Variants in CHRNA6 observed in about 807,000 individuals in gnomAD.
CHRNA6 encodes the protein neuronal acetylcholine receptor subunit alpha-6.
A neutral mutation model predicts 40.9 loss-of-function variants in CHRNA6; 31 were observed. That is an observed-to-expected ratio of 0.76 (90% CI 0.57 to 1.02). The LOEUF (loss-of-function observed/expected upper bound fraction) is 1.02, where lower values mean the gene tolerates loss of function less well. Among genes scored for constraint, CHRNA6 ranks in the 50% least tolerant of loss-of-function variants. CHRNA6 has a pLI of 0.00. For synonymous variants in CHRNA6, 222 were observed against 221.3 expected (o/e 1.00, Z -0.03); for missense variants, 546 against 596.6 (o/e 0.92, Z 0.88).
intron 2 of CHRNA6, among the ~76,000 whole-genome samples, chr8:42,762,166 G>A (rs1370437148): frequency 6.6e-6 from 1 of 152,194 alleles, no homozygotes; most frequent in Non-Finnish European, 1.5e-5. Context: ...CTTCCTGGCT[G>A]TGCCACTTCT....
Position 42,752,694 on chromosome 8 carries a change from G to C in CHRNA6, c.*485C>G, listed in dbSNP as rs55776131. The C allele has an allele frequency of 1.3e-5, 2 of 150,174 alleles. No homozygotes were observed. The highest frequency in any genetic ancestry group is 2.1e-4 in the South Asian group (1 of 4,786). 9.3% of individuals were successfully genotyped at this position (150,174 alleles called of 1,614,324 possible). ...TGAGGAGGGTGAGTTACATTACAGA[G>C]ACATGCACAAGAAATCAAGGATGCA... On this transcript the variant is annotated 3_prime_UTR_variant, in exon 6 of 6. Transcript: ENST00000276410.
In CHRNA6 at chr8:42,756,570, TC is replaced by T; in HGVS notation, c.628del (p.Asp210MetfsTer21). 3.1e-6 allele frequency: 5 copies of T among 1,614,156 alleles called. No individual in the cohort carries two copies. The highest frequency in any genetic ancestry group is 4.2e-6 in the Non-Finnish European group (5 of 1,180,018). The part of the protein sequence containing the change: ...FWENSEWEII[D>X]ASGYKHDIKY... ...GATGTCATGTTTGTAGCCAGAGGCA[TC>T]AATGATTTCCCATTCACTGTTTTCC... is the stretch of plus-strand genomic sequence containing the variant. On this transcript the variant is annotated frameshift_variant, in exon 5 of 6. Transcript: ENST00000276410. LOFTEE classifies it high-confidence loss of function.
At chr8:42,756,882 C>G (rs983025118) in intron 4 of CHRNA6, 46 bp downstream of exon 4, 1 of 1,611,658 alleles carries the variant, frequency 6.2e-7, no homozygotes, top group Admixed American at 1.7e-5. Context: ...CCAGAATACA[C>G]CAACAGCAGC....
chr8:42,762,573 C>T (rs764456060), intron 2 of CHRNA6, among the ~76,000 whole-genome samples: 4 of 152,090 alleles, frequency 2.6e-5, no homozygotes, highest in Non-Finnish European at 4.4e-5. Context: ...CGCTTGAGCC[C>T]GGGAGGCGTA....
At chr8:42,754,239 G>A (rs1417761133) in intron 5 of CHRNA6, among the ~76,000 whole-genome samples, 1 of 152,062 alleles carries the variant, frequency 6.6e-6, no homozygotes, top group African/African-American at 2.4e-5. Context: ...AAGTGCAGTG[G>A]TGCGATTGTG....
intron 3 of CHRNA6, among the ~76,000 whole-genome samples, chr8:42,757,700 T>G (rs1816826906): frequency 7.6e-6 from 1 of 130,954 alleles, no homozygotes; most frequent in South Asian, 2.4e-4. Flanking sequence ...GCCACTGCAC[T>G]CCAGCCTAGG....
At chr8:42,754,028 G>A (rs932661273) in intron 5 of CHRNA6, among the ~76,000 whole-genome samples, 2 of 152,166 alleles carry the variant, frequency 1.3e-5, no homozygotes, top group Non-Finnish European at 2.9e-5. Context: ...TCAGGAATAG[G>A]CAGCCCTCCA....
intron 1 of CHRNA6, 114 bp downstream of exon 1, chr8:42,768,238 C>G: frequency 2.6e-6 from 2 of 772,244 alleles, no homozygotes; most frequent in Non-Finnish European, 2.2e-6. Flanking sequence ...AGTGGTGGCT[C>G]CTATGCAGAC....
chr8:42,765,286 C>T, intron 1 of CHRNA6, 82 bp from the exon 2 acceptor site: 1 of 1,499,866 alleles, frequency 6.7e-7, no homozygotes, highest in South Asian at 1.2e-5. Flanking sequence ...CTTCCCGGGC[C>T]CTGTGGGGAG....
chr8:42,753,360 A>G, intron 5 of CHRNA6, 50 bp from the exon 6 acceptor site: 1 of 1,523,698 alleles, frequency 6.6e-7, no homozygotes, highest in East Asian at 2.3e-5. Context: ...CAAAACCATA[A>G]GAAACATGCC....
Position 42,756,365 on chromosome 8 carries a change from G to T in CHRNA6, c.834C>A (p.Val278=), listed in dbSNP as rs150991696. ...CGEKVTLCIS[V]LLSLTVFLLV... is the part of the protein sequence containing the mutation. ...GCAAAAACACAGTCAGAGAAAGCAG[G>T]ACTGAAATACAAAGCGTCACTTTTT... Residue 278 remains valine, a synonymous_variant, in exon 5 of 6, where the codon GTC becomes GTA. Coordinates refer to ENST00000276410, the MANE Select transcript of CHRNA6 (RefSeq NM_004198.3). The T allele has an allele frequency of 1.2e-6, 2 of 1,614,058 alleles. No individual in the cohort carries two copies. Among genetic ancestry groups the T allele is most frequent in the Non-Finnish European group, 1.7e-6 (2 of 1,180,048 alleles).
rs193153690 is a variant in CHRNA6 at position 42,759,143 on chromosome 8, C to T, written c.220-30G>A. Reference sequence around the variant, plus strand: ...GAAGAAGAAATAATACTTTTAGCCTCAAATGTGCTTGCCATAGAGGTGAGA... The same window carrying T: ...GAAGAAGAAATAATACTTTTAGCCTTAAATGTGCTTGCCATAGAGGTGAGA... On this transcript the variant is annotated intron_variant, in intron 2 of 5. Coordinates refer to ENST00000276410, the MANE Select transcript of CHRNA6 (RefSeq NM_004198.3). 95 of 1,593,304 alleles carry T rather than the reference C, an allele frequency of 6.0e-5. No individual in the cohort carries two copies. The Middle Eastern group carries it at 1.3e-3, about 22-fold the overall frequency.
chr8:42,757,088 A>T (rs1816815952), intron 3 of CHRNA6, 51 bp from the exon 4 acceptor site: 1 of 1,401,970 alleles, frequency 7.1e-7, no homozygotes, highest in South Asian at 1.2e-5. Flanking sequence ...CTTTCGGGCC[A>T]GGCATGGTGG....
At chr8:42,765,619 C>T (rs1035072556) in intron 1 of CHRNA6, among the ~76,000 whole-genome samples, 2 of 152,154 alleles carry the variant, frequency 1.3e-5, no homozygotes, top group African/African-American at 4.8e-5. Flanking sequence ...CCTTTCTTGT[C>T]TAAAATACTG....
chr8:42,754,099 C>T (rs1271666845), intron 5 of CHRNA6, among the ~76,000 whole-genome samples: 1 of 152,148 alleles, frequency 6.6e-6, no homozygotes, highest in Non-Finnish European at 1.5e-5. Flanking sequence ...CCTGACCCTC[C>T]AGCCTTCTGC....
rs375802894 is a variant in CHRNA6 at position 42,765,067 on chromosome 8, C to T, written c.217G>A (p.Val73Met). 44 of 1,613,932 alleles carry T rather than the reference C, an allele frequency of 2.7e-5. No homozygotes were observed. The highest frequency in any genetic ancestry group is 1.6e-4 in the Middle Eastern group (1 of 6,084). The stretch of plus-strand genomic sequence containing the variant: ...AGCTCTGATCAGAGGGCACTCACCA[C>T]GTTGGCCAGCTGGGTGATGGCCACT... ...FEVAITQLANVDEVNQIMETN... is the reference protein window; with the variant it reads ...FEVAITQLANMDEVNQIMETN... Residue 73 changes from valine (V) to methionine (M), a missense_variant and splice_region_variant, in exon 2 of 6, where the codon GTG (valine) becomes ATG (methionine). This residue lies in a region of CHRNA6 where 476 missense variants were observed against 494.5 expected (regional missense o/e 0.96). Transcript: ENST00000276410.
intron 1 of CHRNA6, 109 bp downstream of exon 1, chr8:42,768,243 G>T: frequency 1.2e-6 from 1 of 842,260 alleles, no homozygotes; most frequent in Non-Finnish European, 1.9e-6. Context: ...TGGCTCCTAT[G>T]CAGACCATAG....
intron 2 of CHRNA6, among the ~76,000 whole-genome samples, chr8:42,759,591 C>T (rs895630103): frequency 6.6e-6 from 1 of 152,018 alleles, no homozygotes. Context: ...CCCTGGGATC[C>T]TATCTTGAAA....
At chr8:42,759,161 A>G in intron 2 of CHRNA6, 48 bp from the exon 3 acceptor site, 1 of 1,490,190 alleles carries the variant, frequency 6.7e-7, no homozygotes, top group Non-Finnish European at 9.4e-7. Flanking sequence ...CTTGCCATAG[A>G]GGTGAGACTT....
Sources: allele counts gnomAD v4.1 joint callset (sites outside exome capture counted in the v4.1 genomes callset), GRCh38; gene constraint gnomAD v4.1.1; regional missense constraint gnomAD v4.1.1; transcripts MANE v1.5; gene names NCBI Gene and HGNC (gene_info 2026-07-23, HGNC 2026-07-21).